Variants in WWOX observed in about 807,000 individuals in gnomAD.
WWOX encodes WW domain-containing oxidoreductase.
WWOX carries 69 observed loss-of-function variants against 46.2 expected under a neutral mutation model. The ratio of observed to expected loss-of-function variants is 1.49; its 90% CI spans 1.23 to 1.82. The LOEUF is 1.82. Ranked by LOEUF, WWOX falls within the 40% of genes most tolerant of loss-of-function variation. The probability of loss-of-function intolerance (pLI) is 0.00; values close to 1 mark genes in which losing one functional copy is unlikely to be tolerated. For missense variants in WWOX, 919 were observed against 542.6 expected (o/e 1.69, Z -6.89); for synonymous variants, 359 against 202.6 (o/e 1.77, Z -6.56).
intron 8 of WWOX, among the ~76,000 whole-genome samples, chr16:78,450,179 A>G (rs139454061): frequency 2.9e-3 from 436 of 152,330 alleles, no homozygotes; most frequent in African/African-American, 9.7e-3. Flanking sequence ...AATTTCCCCT[A>G]TGAAATATCA....
At chr16:78,967,166 GC>G (rs2046377048) in intron 8 of WWOX, among the ~76,000 whole-genome samples, 1 of 151,964 alleles carries the variant, frequency 6.6e-6, no homozygotes, top group Non-Finnish European at 1.5e-5. Flanking sequence ...TCTCTGAGAA[GC>G]CCATCAGCCC....
chr16:78,517,512 T>C (rs1300071987), intron 8 of WWOX, among the ~76,000 whole-genome samples: 1 of 152,226 alleles, frequency 6.6e-6, no homozygotes, highest in Admixed American at 6.5e-5. Flanking sequence ...CTAATGAATG[T>C]CTACTGAATT....
intron 8 of WWOX, among the ~76,000 whole-genome samples, chr16:79,002,014 G>A (rs1429310869): frequency 6.6e-6 from 1 of 151,902 alleles, no homozygotes; most frequent in African/African-American, 2.4e-5. Flanking sequence ...AGGGGTCTGG[G>A]GTAACCACAA....
intron 8 of WWOX, among the ~76,000 whole-genome samples, chr16:78,462,048 A>G (rs868040951): frequency 6.6e-6 from 1 of 152,198 alleles, no homozygotes; most frequent in East Asian, 1.9e-4. Flanking sequence ...ACCTTTTTAC[A>G]TATGCACATT....
intron 8 of WWOX, among the ~76,000 whole-genome samples, chr16:78,495,087 C>G (rs1029335316): frequency 6.6e-6 from 1 of 150,596 alleles, no homozygotes; most frequent in South Asian, 2.1e-4. Context: ...ATTATTTAAG[C>G]TGCATCTGTG....
chr16:78,499,512 G>T (rs769688728), intron 8 of WWOX, among the ~76,000 whole-genome samples: 1 of 152,162 alleles, frequency 6.6e-6, no homozygotes, highest in Non-Finnish European at 1.5e-5. Context: ...AACTAGCAGC[G>T]ACTGCAGATT....
intron 8 of WWOX, among the ~76,000 whole-genome samples, chr16:79,201,161 C>T (rs558767262): frequency 6.6e-6 from 1 of 152,180 alleles, no homozygotes; most frequent in Non-Finnish European, 1.5e-5. Flanking sequence ...GGCTTCAGCA[C>T]AGGGGATTTT....
rs1184810638 is a variant in WWOX at position 78,338,175 on chromosome 16, CT to C, written c.517-48681del. Among the ~76,000 whole-genome samples the C allele has an allele frequency of 2.0e-5, 2 of 102,418 alleles. 1 individual carries two copies. Among genetic ancestry groups the C allele is most frequent in the African/African-American group, 7.6e-5 (2 of 26,318 alleles). 67.2% of individuals were successfully genotyped at this position (102,418 alleles called of 152,430 possible). A position where few individuals can be genotyped will look rare whatever the true frequency, so the allele number is the denominator to read the frequency against. On this transcript the variant is annotated intron_variant, in intron 5 of 8. Coordinates refer to ENST00000566780, the MANE Select transcript of WWOX (RefSeq NM_016373.4). The stretch of plus-strand genomic sequence containing the variant: ...TATGAATTTATCACATGGAAACAAA[CT>C]TTTAAAAAAATTAATTTTGTGAATT...
chr16:78,744,519 C>A (rs2049303282), intron 8 of WWOX, among the ~76,000 whole-genome samples: 1 of 148,310 alleles, frequency 6.7e-6, no homozygotes, highest in African/African-American at 2.5e-5. Flanking sequence ...GCAACATCTG[C>A]CTCCTGGGTT....
rs370792938 is a variant in WWOX at position 78,432,622 on chromosome 16, G to T, written c.926G>T (p.Arg309Leu). 1.2e-6 allele frequency: 2 copies of T among 1,614,196 alleles called. No individual in the cohort carries two copies. Among genetic ancestry groups the T allele is most frequent in the Admixed American group, 3.3e-5 (2 of 60,026 alleles). The change falls in exon 8 of 9, where the codon CGT (arginine) becomes CTT (leucine). Residue 309 changes from arginine to leucine, a missense_variant. Coordinates refer to ENST00000566780, the MANE Select transcript of WWOX (RefSeq NM_016373.4). ...CNILFSNELH[R>L]RLSPRGVTSN... The stretch of plus-strand genomic sequence containing the variant: ...ATCCTCTTCTCCAACGAGCTGCACC[G>T]TCGCCTCTCCCCACGCGGGGTCACG...
intron 8 of WWOX, among the ~76,000 whole-genome samples, chr16:78,963,060 G>A (rs1245812012): frequency 1.3e-5 from 2 of 152,166 alleles, no homozygotes; most frequent in Non-Finnish European, 2.9e-5. Flanking sequence ...GAATTGTACT[G>A]TAAGTACTCT....
intron 8 of WWOX, among the ~76,000 whole-genome samples, chr16:78,764,226 C>T (rs2049871143): frequency 1.3e-5 from 2 of 151,962 alleles, no homozygotes; most frequent in Non-Finnish European, 2.9e-5. Flanking sequence ...TGAAGTGCGG[C>T]CGGGTGTTGT....
At chr16:78,573,055 A>G (rs2044758038) in intron 8 of WWOX, among the ~76,000 whole-genome samples, 1 of 152,224 alleles carries the variant, frequency 6.6e-6, no homozygotes, top group African/African-American at 2.4e-5. Context: ...TGGGAGGCCA[A>G]GGCAGGCGGA....
intron 8 of WWOX, among the ~76,000 whole-genome samples, chr16:78,490,564 C>T (rs2738711): frequency 0.077 from 11,723 of 152,128 alleles, 477 homozygotes; most frequent in African/African-American, 0.087. Flanking sequence ...TGTTGTGGGA[C>T]GGAGGAGAAA....
intron 6 of WWOX, among the ~76,000 whole-genome samples, chr16:78,397,937 C>A (rs1289940070): frequency 6.6e-6 from 1 of 152,186 alleles, no homozygotes; most frequent in African/African-American, 2.4e-5. Context: ...AGACTATTTT[C>A]CAACCAATCA....
At chr16:78,673,149 C>A (rs773344811) in intron 8 of WWOX, among the ~76,000 whole-genome samples, 1 of 152,182 alleles carries the variant, frequency 6.6e-6, no homozygotes, top group Non-Finnish European at 1.5e-5. Flanking sequence ...CAGCTCAAGT[C>A]CTCATTCTCA....
intron 5 of WWOX, among the ~76,000 whole-genome samples, chr16:78,274,013 T>TA (rs1210504044): frequency 2.6e-5 from 4 of 152,166 alleles, no homozygotes; most frequent in African/African-American, 4.8e-5. Context: ...GCATCTGACT[T>TA]AAAGAGTCTG....
At chr16:79,113,936 C>T (rs1424871136) in intron 8 of WWOX, among the ~76,000 whole-genome samples, 1 of 152,170 alleles carries the variant, frequency 6.6e-6, no homozygotes, top group African/African-American at 2.4e-5. Flanking sequence ...AGTGGCAGTC[C>T]TAAGGCCCAG....
At chr16:78,807,306 C>G (rs1386855266) in intron 8 of WWOX, among the ~76,000 whole-genome samples, 1 of 152,196 alleles carries the variant, frequency 6.6e-6, no homozygotes, top group African/African-American at 2.4e-5. Context: ...TGTCAAAATA[C>G]TTAAAAGTGT....
Sources: gnomAD v4.1 joint callset for allele counts (sites outside exome capture counted in the v4.1 genomes callset) on GRCh38, gnomAD v4.1.1 for gene constraint, MANE v1.5 for transcripts, NCBI Gene and HGNC (gene_info 2026-07-23, HGNC 2026-07-21) for gene names.